MORC2: variants seen among roughly 807,000 people sequenced by gnomAD.
MORC2 encodes the protein ATPase MORC2.
MORC2 carries 30 observed loss-of-function variants against 136.0 expected under a neutral mutation model. That is an observed-to-expected ratio of 0.22 (90% confidence interval 0.17 to 0.30). MORC2 has a LOEUF of 0.30. MORC2 is among the 10% of genes least tolerant of loss of function. The pLI is 1.00. For synonymous variants in MORC2, 439 were observed against 487.0 expected (o/e 0.90, Z 1.30); for missense variants, 922 against 1,333.1 (o/e 0.69, Z 4.80).
At position 30,936,556 on chromosome 22, in the gene MORC2, C is replaced by T. The variant is rs772625385; in HGVS notation, c.1692G>A (p.Leu564=). The T allele has an allele frequency of 2.5e-6, 4 of 1,614,184 alleles. No homozygotes were observed. In the South Asian group the frequency reaches 3.3e-5, roughly 13 times the overall value. Residue 564 remains leucine (L), a synonymous_variant, in exon 17 of 26, where the codon CTG becomes CTA. Coordinates refer to ENST00000397641, the MANE Select transcript of MORC2 (RefSeq NM_001303256.3). Reference sequence around the variant, plus strand: ...CCTGCTGCTGGCGAATTTTCTCTGTCAGTTGTTTCTGCTTCTCTTCCTGCG... The same window carrying T: ...CCTGCTGCTGGCGAATTTTCTCTGTTAGTTGTTTCTGCTTCTCTTCCTGCG... The part of the protein sequence containing the change: ...MKTQEEKQKQ[L]TEKIRQQQEK...
chr22:30,953,100 A>C (rs1249403900), intron 3 of MORC2, among the ~76,000 whole-genome samples: 1 of 152,240 alleles, frequency 6.6e-6, no homozygotes, highest in Admixed American at 6.5e-5. Context: ...AGCAAGCAAG[A>C]ACTCGAAGGC....
chr22:30,945,417 A>C (rs1404303845), intron 6 of MORC2, among the ~76,000 whole-genome samples: 4 of 152,254 alleles, frequency 2.6e-5, no homozygotes, highest in Non-Finnish European at 5.9e-5. Flanking sequence ...GCTAATCAAC[A>C]CAGATGAATT....
intron 25 of MORC2, 118 bp downstream of exon 25, chr22:30,927,901 G>T (rs1339760852): frequency 1.6e-6 from 2 of 1,271,300 alleles, no homozygotes; most frequent in African/African-American, 1.5e-5. Context: ...TGCAGCCAGG[G>T]TGAGAACCAT....
At chr22:30,967,101 C>T (rs2041139476) in intron 1 of MORC2, 1 of 985,080 alleles carries the variant, frequency 1.0e-6, no homozygotes, top group Non-Finnish European at 1.2e-6. Context: ...TGTATTAAAA[C>T]ACTAAAGTTT....
At chr22:30,965,061 G>A (rs924615262) in intron 1 of MORC2, among the ~76,000 whole-genome samples, 1 of 152,218 alleles carries the variant, frequency 6.6e-6, no homozygotes, top group African/African-American at 2.4e-5. Flanking sequence ...AACTTGACCT[G>A]TCCAAGGACA....
chr22:30,943,311 C>CGG (rs941114293), intron 6 of MORC2, among the ~76,000 whole-genome samples: 3 of 152,138 alleles, frequency 2.0e-5, no homozygotes, highest in South Asian at 2.1e-4. Context: ...GCAGTTCCTT[C>CGG]GGGGGCACAA....
chr22:30,967,608 C>A, intron 1 of MORC2: 4 of 1,355,546 alleles, frequency 3.0e-6, no homozygotes, highest in East Asian at 2.9e-5. Context: ...AAATTTTGAT[C>A]CAATAAACAA....
intron 6 of MORC2, among the ~76,000 whole-genome samples, chr22:30,943,285 CAA>C (rs2040768126): frequency 1.3e-5 from 2 of 152,140 alleles, no homozygotes; most frequent in Non-Finnish European, 2.9e-5. Context: ...ATCATTATCA[CAA>C]AAGTTACCTG....
At position 30,934,870 on chromosome 22, in the gene MORC2, T is replaced by C; in HGVS notation, c.2104A>G (p.Asn702Asp). ...VQQLSPSLLP[N>D]SKSPREVPSP... The stretch of plus-strand genomic sequence containing the variant: ...GGAACCTCCCGAGGGCTCTTGGAGT[T>C]GGGCAGTAAAGATGGTGACAGTTGC... Residue 702 changes from asparagine (N) to aspartate (D), a missense_variant, in exon 19 of 26, where the codon AAC (asparagine) becomes GAC (aspartate). Coordinates refer to ENST00000397641, the MANE Select transcript of MORC2 (RefSeq NM_001303256.3). This position sits in a 1 kb window ranked among gnomAD's most constrained non-coding sequence, Gnocchi z 4.4. 1 of 1,614,098 alleles carries C rather than the reference T, an allele frequency of 6.2e-7. No individual in the cohort carries two copies. Among genetic ancestry groups the C allele is most frequent in the South Asian group, 1.1e-5 (1 of 91,074 alleles).
chr22:30,934,258 T>C lies in MORC2; in HGVS notation c.2194-67A>G. 1.9e-6 allele frequency: 3 copies of C among 1,604,090 alleles called. No homozygotes were observed. Among genetic ancestry groups the C allele is most frequent in the Non-Finnish European group, 2.6e-6 (3 of 1,174,524 alleles). On this transcript the variant is annotated intron_variant, in intron 19 of 25. Transcript: ENST00000397641. The surrounding 1 kb of genome is among the most constrained non-coding windows in gnomAD (Gnocchi z 4.4). ...GCCTCTAAGGAGCAGGAAGATTTCA[T>C]CTAGCCTAAAGGAGTCGTTCCAAGA... is the stretch of plus-strand genomic sequence containing the variant.
chr22:30,935,146 G>A lies in MORC2; in HGVS notation c.1828C>T (p.Pro610Ser). Residue 610 changes from proline to serine, a missense_variant, in exon 19 of 26, where the codon CCT (proline) becomes TCT (serine). This residue lies in a region of MORC2 where 184 missense variants were observed against 180.3 expected (regional missense o/e 1.02). Transcript: ENST00000397641. ...RPSTEEPVRR[P>S]QRPRSPPLPA... ...AAAGGGGGCGACCGAGGACGCTGAG[G>A]TCTACGCACAGGTTCCTAAAAAAAG... is the stretch of plus-strand genomic sequence containing the variant. The A allele has an allele frequency of 6.2e-7, 1 of 1,612,982 alleles. No homozygotes were observed. Among genetic ancestry groups the A allele is most frequent in the African/African-American group, 1.3e-5 (1 of 74,918 alleles).
At chr22:30,955,727 G>A (rs1286048934) in intron 3 of MORC2, among the ~76,000 whole-genome samples, 1 of 151,466 alleles carries the variant, frequency 6.6e-6, no homozygotes, top group South Asian at 2.1e-4. Flanking sequence ...GCTGTCTTCC[G>A]GCCAGGTGTG....
intron 10 of MORC2, 86 bp from the exon 11 acceptor site, chr22:30,940,127 A>G (rs1198086752): frequency 2.3e-6 from 3 of 1,321,638 alleles, no homozygotes; most frequent in Non-Finnish European, 3.2e-6. Context: ...CTGGACACGA[A>G]GTGTGTACAC....
At chr22:30,963,269 C>T in intron 1 of MORC2, 2 of 976,400 alleles carry the variant, frequency 2.0e-6, no homozygotes, top group Non-Finnish European at 2.4e-6. Flanking sequence ...AGCCACAGCA[C>T]CCGGCCTAGA....
At chr22:30,926,962 C>A in intron 25 of MORC2, 91 bp from the exon 26 acceptor site, 2 of 1,095,560 alleles carry the variant, frequency 1.8e-6, no homozygotes, top group Non-Finnish European at 2.7e-6. Context: ...TGGGATGGAG[C>A]CCAGAGTCCT....
chr22:30,945,602 G>A (rs899034708), intron 6 of MORC2, among the ~76,000 whole-genome samples: 1 of 152,192 alleles, frequency 6.6e-6, no homozygotes, highest in Non-Finnish European at 1.5e-5. Flanking sequence ...CTCCCACAAT[G>A]AGGGGGCATA....
chr22:30,927,981 A>G (rs1015475757), intron 25 of MORC2, 38 bp downstream of exon 25: 1 of 1,609,964 alleles, frequency 6.2e-7, no homozygotes, highest in East Asian at 2.2e-5. Flanking sequence ...CTGAGAGACC[A>G]GGTGGTCCAG....
chr22:30,925,264 A>T lies in MORC2; in HGVS notation c.*1539T>A. 3.4e-6 allele frequency: 1 copy of T among 298,230 alleles called. No individual in the cohort carries two copies. The highest frequency in any genetic ancestry group is 6.5e-6 in the Non-Finnish European group (1 of 153,090). The allele number at this position is 298,230 out of a possible 1,614,324, so 18.5% of individuals were successfully genotyped here. The stretch of plus-strand genomic sequence containing the variant: ...GATTAAAACATTAGGTTTGGGGACA[A>T]AAGTGGACCCCATGCTGCCTGAGAT... On this transcript the variant is annotated 3_prime_UTR_variant, in exon 26 of 26. Coordinates refer to ENST00000397641, the MANE Select transcript of MORC2 (RefSeq NM_001303256.3).
At chr22:30,947,602 A>G (rs1240138211) in intron 5 of MORC2, among the ~76,000 whole-genome samples, 2 of 152,132 alleles carry the variant, frequency 1.3e-5, no homozygotes, top group Non-Finnish European at 2.9e-5. Context: ...CTCCCAGGAC[A>G]CTATTCAAAG....
Sources: gnomAD v4.1 joint callset for allele counts (sites outside exome capture counted in the v4.1 genomes callset) on GRCh38, gnomAD v4.1.1 for gene constraint, gnomAD v4.1.1 regional missense constraint, Gnocchi (gnomAD v3.1) non-coding constraint, MANE v1.5 for transcripts, NCBI Gene and HGNC (gene_info 2026-07-23, HGNC 2026-07-21) for gene names.